Variants in ABAT observed in about 807,000 individuals in gnomAD.
The protein encoded by ABAT is 4-aminobutyrate aminotransferase, mitochondrial.
ABAT carries 45 observed loss-of-function variants against 64.6 expected under a neutral mutation model. That is an observed-to-expected ratio of 0.70 (90% CI 0.55 to 0.89). ABAT has a LOEUF of 0.89. Among genes scored for constraint, ABAT ranks in the 40% least tolerant of loss-of-function variants. The pLI, the probability that ABAT is intolerant of heterozygous loss-of-function variation, is 0.00. For synonymous variants in ABAT, 297 were observed against 250.5 expected (o/e 1.19, Z -1.75); for missense variants, 633 against 658.4 (o/e 0.96, Z 0.42).
At chr16:8,734,305 G>T (rs1320598342) in intron 1 of ABAT, among the ~76,000 whole-genome samples, 1 of 152,174 alleles carries the variant, frequency 6.6e-6, no homozygotes, top group Non-Finnish European at 1.5e-5. Context: ...TCCTCATGAA[G>T]ATGTAAGCTC....
chr16:8,686,107 C>T (rs1175388924), intron 1 of ABAT, among the ~76,000 whole-genome samples: 4 of 152,140 alleles, frequency 2.6e-5, no homozygotes, highest in Admixed American at 6.5e-5. Context: ...GGCACCACCC[C>T]GGCAGGACAG....
At chr16:8,706,762 G>C (rs1731070) in intron 1 of ABAT, among the ~76,000 whole-genome samples, 1 of 152,080 alleles carries the variant, frequency 6.6e-6, no homozygotes, top group East Asian at 1.9e-4. Context: ...ACTGTGATGA[G>C]TGGAAAGAAT....
At chr16:8,752,136 C>A (rs2059506196) in intron 5 of ABAT, among the ~76,000 whole-genome samples, 1 of 152,240 alleles carries the variant, frequency 6.6e-6, no homozygotes, top group African/African-American at 2.4e-5. Flanking sequence ...TCCTCTTCTT[C>A]CCCTGCTCAT....
chr16:8,727,056 G>C (rs933172970), intron 1 of ABAT, among the ~76,000 whole-genome samples: 5 of 152,020 alleles, frequency 3.3e-5, no homozygotes, highest in African/African-American at 1.2e-4. Flanking sequence ...TTTTTCTATA[G>C]AGTTGTTTGA....
chr16:8,754,180 A>T (rs978177532), intron 5 of ABAT, among the ~76,000 whole-genome samples: 1 of 29,598 alleles, frequency 3.4e-5, no homozygotes, highest in Non-Finnish European at 5.8e-5. Context: ...CCCTGTCTAT[A>T]AAAAAAAAAA....
At position 8,776,558 on chromosome 16, in the gene ABAT, T is replaced by A; in HGVS notation, c.1269+68T>A. On this transcript the variant is annotated intron_variant, in intron 14 of 15. Transcript: ENST00000268251. The surrounding 1 kb of genome is among the most constrained non-coding windows in gnomAD (Gnocchi z 4.4). ...CCCGCAGCAGCCTCCGGGGCAACACTGGAGCTCTTCGGCATGGTGTTGTGC... is the reference window on the plus strand; with the variant it reads ...CCCGCAGCAGCCTCCGGGGCAACACAGGAGCTCTTCGGCATGGTGTTGTGC... 7.0e-7 allele frequency: 1 copy of A among 1,437,122 alleles called. No homozygotes were observed. The highest frequency in any genetic ancestry group is 2.6e-5 in the East Asian group (1 of 37,994). 89.0% of individuals were successfully genotyped at this position (1,437,122 alleles called of 1,614,324 possible).
intron 1 of ABAT, among the ~76,000 whole-genome samples, chr16:8,683,796 G>A (rs1311213247): frequency 6.6e-6 from 1 of 152,176 alleles, no homozygotes; most frequent in Non-Finnish European, 1.5e-5. Context: ...CTATAGTATT[G>A]AACAAGAAAA....
chr16:8,746,953 C>G (rs1078511), intron 3 of ABAT, among the ~76,000 whole-genome samples: 37 of 151,908 alleles, frequency 2.4e-4, no homozygotes, highest in Admixed American at 6.6e-5. Flanking sequence ...CTAGGTTAGG[C>G]GTGGCTTGAA....
chr16:8,744,059 A>T (rs879686782), intron 2 of ABAT, among the ~76,000 whole-genome samples: 4 of 152,206 alleles, frequency 2.6e-5, no homozygotes, highest in Admixed American at 1.3e-4. Flanking sequence ...CCGGGAAATC[A>T]AACACCCTCT....
At chr16:8,739,901 C>T (rs1311265401) in intron 2 of ABAT, among the ~76,000 whole-genome samples, 1 of 150,854 alleles carries the variant, frequency 6.6e-6, no homozygotes, top group Non-Finnish European at 1.5e-5. Context: ...TCTCTTTTGA[C>T]TTATTGATTT....
At chr16:8,677,922 G>T (rs1334972469) in intron 1 of ABAT, among the ~76,000 whole-genome samples, 1 of 152,112 alleles carries the variant, frequency 6.6e-6, no homozygotes, top group African/African-American at 2.4e-5. Flanking sequence ...AGCTGGTCAT[G>T]GTGGCATGCG....
chr16:8,767,153 C>T (rs1427974101), intron 9 of ABAT, among the ~76,000 whole-genome samples: 1 of 152,206 alleles, frequency 6.6e-6, no homozygotes, highest in Non-Finnish European at 1.5e-5. Context: ...CTGCCTGAAT[C>T]AGCTGGAAAC....
intron 1 of ABAT, among the ~76,000 whole-genome samples, chr16:8,728,152 T>C (rs930181167): frequency 1.3e-5 from 2 of 152,196 alleles, no homozygotes; most frequent in African/African-American, 2.4e-5. Flanking sequence ...CTTGTGTTGA[T>C]TGAATTAGTG....
At chr16:8,723,933 C>T (rs537338044) in intron 1 of ABAT, among the ~76,000 whole-genome samples, 5 of 144,594 alleles carry the variant, frequency 3.5e-5, no homozygotes, top group South Asian at 2.3e-4. Context: ...CCCCACCTCC[C>T]GGGTTCAAGC....
At chr16:8,706,192 G>C (rs1021770816) in intron 1 of ABAT, among the ~76,000 whole-genome samples, 2 of 151,558 alleles carry the variant, frequency 1.3e-5, no homozygotes, top group Non-Finnish European at 2.9e-5. Flanking sequence ...TGGATCACTT[G>C]AGACCAGTCT....
intron 1 of ABAT, among the ~76,000 whole-genome samples, chr16:8,724,014 T>C (rs1410118422): frequency 6.6e-6 from 1 of 151,488 alleles, no homozygotes; most frequent in Non-Finnish European, 1.5e-5. Context: ...CTAATTTTTA[T>C]ATTTTTAGTA....
chr16:8,764,075 T>G lies in ABAT; in HGVS notation c.373T>G (p.Phe125Val). Reference protein sequence around the residue: ...LIQQPQNASMFVNRPALGILP... With the variant: ...LIQQPQNASMVVNRPALGILP... ...GTCTCTTGCCCTTTTGCAGAGCATG[T>G]TTGTCAACAGACCCGCCCTCGGAAT... Residue 125 changes from phenylalanine to valine, a missense_variant, in exon 7 of 16, where the codon TTT (phenylalanine) becomes GTT (valine). Phe to Val is a conservative substitution (Grantham distance 50). Transcript: ENST00000268251. The surrounding 1 kb of genome is among the most constrained non-coding windows in gnomAD (Gnocchi z 4.2). 1 of 1,613,748 alleles carries G rather than the reference T, an allele frequency of 6.2e-7. No homozygotes were observed. The highest frequency in any genetic ancestry group is 1.1e-5 in the South Asian group (1 of 91,064).
intron 2 of ABAT, among the ~76,000 whole-genome samples, chr16:8,743,314 G>GTC (rs1336232530): frequency 2.0e-5 from 1 of 49,838 alleles, no homozygotes; most frequent in Non-Finnish European, 3.6e-5. Flanking sequence ...CTGCATGTGT[G>GTC]TCTCTGTGTG....
rs754077432 is a variant in ABAT, at chr16:8,748,095, T to A, written c.169-13T>A. The A allele has an allele frequency of 1.9e-6, 3 of 1,613,290 alleles. No individual in the cohort carries two copies. Among genetic ancestry groups the A allele is most frequent in the Non-Finnish European group, 2.5e-6 (3 of 1,179,360 alleles). On this transcript the variant is annotated splice_polypyrimidine_tract_variant and intron_variant, in intron 3 of 15. Coordinates refer to ENST00000268251, the MANE Select transcript of ABAT (RefSeq NM_020686.6). ...TGGACTTGCTATAATGCTTTTGTTGTTCTTGCCTGCAGGAGTTAATGAAAC... is the reference window on the plus strand; with the variant it reads ...TGGACTTGCTATAATGCTTTTGTTGATCTTGCCTGCAGGAGTTAATGAAAC...
Sources: allele counts gnomAD v4.1 joint callset (sites outside exome capture counted in the v4.1 genomes callset), GRCh38; gene constraint gnomAD v4.1.1; non-coding constraint Gnocchi (gnomAD v3.1); transcripts MANE v1.5; gene names NCBI Gene and HGNC (gene_info 2026-07-23, HGNC 2026-07-21).